TBCA: variants seen among roughly 807,000 people sequenced by gnomAD.
The protein encoded by TBCA is tubulin folding cofactor A, also known as tubulin-specific chaperone A.
Under a neutral mutation model 15.8 loss-of-function variants are expected in TBCA, and 6 were observed. The ratio of observed to expected loss-of-function variants is 0.38; its 90% CI spans 0.21 to 0.75. The LOEUF is 0.75. Among genes scored for constraint, TBCA ranks in the 30% least tolerant of loss-of-function variants. The probability of loss-of-function intolerance (pLI) is 0.46; values close to 1 mark genes in which losing one functional copy is unlikely to be tolerated. For missense variants in TBCA, 90 were observed against 131.2 expected, an observed-to-expected ratio of 0.69 and a Z score of 1.53; for synonymous variants, 32 against 42.3, an observed-to-expected ratio of 0.76 and a Z score of 0.94.
chr5:77,772,667 A>T (rs1580143260), intron 1 of TBCA, among the ~76,000 whole-genome samples: 2 of 152,182 alleles, frequency 1.3e-5, no homozygotes, highest in South Asian at 4.1e-4. Context: ...TTTTTCTTTA[A>T]TTGCATTTTA....
At chr5:77,692,686 CCTGT>C (rs10541015) in intron 3 of TBCA, 109,784 of 985,202 alleles carry the variant, frequency 0.11, 6,375 homozygotes, top group Middle Eastern at 0.15. Flanking sequence ...AATGATGCTT[CCTGT>C]CTTAGATAGT....
chr5:77,751,321 C>G (rs888529383), intron 1 of TBCA, among the ~76,000 whole-genome samples: 1 of 151,886 alleles, frequency 6.6e-6, no homozygotes, highest in Admixed American at 6.6e-5. Context: ...ACCACCACGC[C>G]CAGCTAATTT....
chr5:77,768,476 T>C (rs544263627), intron 1 of TBCA, among the ~76,000 whole-genome samples: 1 of 152,320 alleles, frequency 6.6e-6, no homozygotes, highest in East Asian at 1.9e-4. Flanking sequence ...AAATAACTAT[T>C]CTGCAATTAC....
chr5:77,757,195 C>T (rs770277738), intron 1 of TBCA, among the ~76,000 whole-genome samples: 5 of 152,028 alleles, frequency 3.3e-5, no homozygotes, highest in Non-Finnish European at 5.9e-5. Context: ...ACAACAACAA[C>T]AACAAAAAAT....
At chr5:77,693,073 A>G (rs1433705811) in intron 3 of TBCA, 193 bp downstream of exon 3, 6 of 1,452,190 alleles carry the variant, frequency 4.1e-6, no homozygotes, top group Non-Finnish European at 5.4e-6. Flanking sequence ...GCTAGAAAAC[A>G]GTACTTTTAC....
chr5:77,694,836 T>C (rs1048932434), intron 2 of TBCA, among the ~76,000 whole-genome samples: 2 of 152,194 alleles, frequency 1.3e-5, no homozygotes, highest in Admixed American at 1.3e-4. Flanking sequence ...ACATCTATTT[T>C]CTCAGGTGGA....
chr5:77,767,297 G>GCA (rs200747315), intron 1 of TBCA, among the ~76,000 whole-genome samples: 7 of 151,692 alleles, frequency 4.6e-5, no homozygotes, highest in East Asian at 1.9e-4. Flanking sequence ...ATACACACAA[G>GCA]CACACACACA....
chr5:77,759,425 A>T (rs1747552593), intron 1 of TBCA, among the ~76,000 whole-genome samples: 1 of 152,182 alleles, frequency 6.6e-6, no homozygotes, highest in African/African-American at 2.4e-5. Flanking sequence ...ATAATGAGGT[A>T]TGTGCGACTC....
intron 2 of TBCA, among the ~76,000 whole-genome samples, chr5:77,700,298 C>T (rs934137383): frequency 2.6e-5 from 4 of 151,864 alleles, no homozygotes; most frequent in African/African-American, 9.7e-5. Context: ...ATCTGCAAAC[C>T]ACGTATCTGA....
chr5:77,770,040 G>A (rs1477586215), intron 1 of TBCA, among the ~76,000 whole-genome samples: 59 of 152,210 alleles, frequency 3.9e-4, no homozygotes, highest in Admixed American at 3.5e-3. Flanking sequence ...AGGCTTTATT[G>A]AAAGCTGGCT....
In TBCA at chr5:77,775,600, T is replaced by C. The variant is rs79474464; in HGVS notation, c.53+605A>G. On this transcript the variant is annotated intron_variant, in intron 1 of 3. Transcript: ENST00000380377. ...GTTATTTAAACAGCATCTCACAGCC[T>C]CTGGGGCGAGCTTCGGGGAATCTGA... Among the ~76,000 whole-genome samples, 400 of 152,328 alleles carry C rather than the reference T, an allele frequency of 2.6e-3. 13 individuals are homozygous for C. In the East Asian group the frequency reaches 0.06, roughly 23 times the overall value.
chr5:77,720,789 A>G (rs1746513751), intron 1 of TBCA, among the ~76,000 whole-genome samples: 1 of 152,210 alleles, frequency 6.6e-6, no homozygotes, highest in Non-Finnish European at 1.5e-5. Context: ...AACATGGTAC[A>G]TAAGTGGTTC....
intron 1 of TBCA, among the ~76,000 whole-genome samples, chr5:77,722,923 CTCTA>C (rs893935343): frequency 2.6e-5 from 4 of 151,778 alleles, no homozygotes; most frequent in African/African-American, 9.6e-5. Context: ...GCATATATCT[CTCTA>C]TGATAGTATA....
chr5:77,758,643 T>C (rs1747534118), intron 1 of TBCA, among the ~76,000 whole-genome samples: 1 of 152,214 alleles, frequency 6.6e-6, no homozygotes. Context: ...CTTGTGTCCC[T>C]TTCCCCATGA....
At position 77,750,967 on chromosome 5, in the gene TBCA, T is replaced by C. The variant is rs1452688338; in HGVS notation, c.53+25238A>G. Among the ~76,000 whole-genome samples, 3 of 152,056 alleles carry C rather than the reference T, an allele frequency of 2.0e-5. No homozygotes were observed. The East Asian group carries it at 5.8e-4, about 29-fold the overall frequency. On this transcript the variant is annotated intron_variant, in intron 1 of 3. Coordinates refer to ENST00000380377, the MANE Select transcript of TBCA (RefSeq NM_004607.3). ...GAGTTATTATCAGTAGAAAGGAGTGTCTGGGTTAAGATAAGGGTTATGAAG... is the reference window on the plus strand; with the variant it reads ...GAGTTATTATCAGTAGAAAGGAGTGCCTGGGTTAAGATAAGGGTTATGAAG...
rs1747809814 is a variant in TBCA, at chr5:77,767,580, G to A, written c.53+8625C>T. On this transcript the variant is annotated intron_variant, in intron 1 of 3. Coordinates refer to ENST00000380377, the MANE Select transcript of TBCA (RefSeq NM_004607.3). ...CATTTTTTGCTGGGGCTTGGGGGTA[G>A]GGAATCACTGCTTCAGCAATGGTCA... Among the ~76,000 whole-genome samples, 2 of 152,200 alleles carry A rather than the reference G, an allele frequency of 1.3e-5. 1 individual carries two copies. Among genetic ancestry groups the A allele is most frequent in the South Asian group, 4.1e-4 (2 of 4,832 alleles).
chr5:77,717,769 T>C (rs1360793054), intron 1 of TBCA, among the ~76,000 whole-genome samples: 2 of 148,540 alleles, frequency 1.3e-5, no homozygotes, highest in Non-Finnish European at 3.0e-5. Flanking sequence ...GAGGCAGAGG[T>C]TGCAGTGAGC....
At chr5:77,696,416 A>C (rs553581897) in intron 2 of TBCA, among the ~76,000 whole-genome samples, 1 of 152,152 alleles carries the variant, frequency 6.6e-6, no homozygotes, top group Non-Finnish European at 1.5e-5. Context: ...TGTAAGAAGA[A>C]TCTTAAGTCA....
At chr5:77,739,777 C>G (rs1011392619) in intron 1 of TBCA, among the ~76,000 whole-genome samples, 13 of 152,022 alleles carry the variant, frequency 8.6e-5, no homozygotes, top group African/African-American at 3.1e-4. Flanking sequence ...GGGGCCTTAC[C>G]AAAAACAAAC....
Sources: gnomAD v4.1 joint callset for allele counts (sites outside exome capture counted in the v4.1 genomes callset) on GRCh38, gnomAD v4.1.1 for gene constraint, MANE v1.5 for transcripts, NCBI Gene and HGNC (gene_info 2026-07-23, HGNC 2026-07-21) for gene names.